ITSN2: variants seen among roughly 807,000 people sequenced by gnomAD.
ITSN2 encodes intersectin 2.
In ITSN2, 156 loss-of-function variants were observed where a neutral mutation model predicts 243.7. That is an observed-to-expected ratio of 0.64 (90% CI 0.56 to 0.73). The LOEUF (loss-of-function observed/expected upper bound fraction) is 0.73. ITSN2 is among the 30% of genes least tolerant of loss of function. The probability of loss-of-function intolerance (pLI) is 0.00; values close to 1 mark genes in which losing one functional copy is unlikely to be tolerated. For missense variants in ITSN2, 1,801 were observed against 1,996.1 expected, an observed-to-expected ratio of 0.90 and a Z score of 1.86; for synonymous variants, 703 against 699.9, an observed-to-expected ratio of 1.00 and a Z score of -0.07.
At chr2:24,256,461 C>G (rs1675069362) in intron 23 of ITSN2, among the ~76,000 whole-genome samples, 1 of 152,204 alleles carries the variant, frequency 6.6e-6, no homozygotes, top group Non-Finnish European at 1.5e-5. Flanking sequence ...AGACCAGCAT[C>G]TTTTCATCAA....
At chr2:24,235,087 G>GC (rs1161020646) in intron 29 of ITSN2, among the ~76,000 whole-genome samples, 2 of 152,216 alleles carry the variant, frequency 1.3e-5, no homozygotes, top group Admixed American at 6.5e-5. Context: ...AAACTTGGAA[G>GC]GAATCACAAT....
At chr2:24,330,368 C>T (rs1246500763) in intron 1 of ITSN2, 4 of 537,160 alleles carry the variant, frequency 7.4e-6, no homozygotes, top group Non-Finnish European at 1.1e-5. Context: ...CATCCTGTGC[C>T]AAGTGCTTAC....
rs538333658 is a variant in ITSN2, at chr2:24,278,932, G to C, written c.1945-3083C>G. On this transcript the variant is annotated intron_variant, in intron 17 of 39. Coordinates refer to ENST00000355123, the MANE Select transcript of ITSN2 (RefSeq NM_006277.3). Reference sequence around the variant, plus strand: ...CTCCCAAAGGGCTGGGATTGCAGGTGTGAGCCACTGCACCCAGCCAAGTTG... The same window carrying C: ...CTCCCAAAGGGCTGGGATTGCAGGTCTGAGCCACTGCACCCAGCCAAGTTG... Among the ~76,000 whole-genome samples the C allele has an allele frequency of 8.5e-5, 13 of 152,220 alleles. 1 individual carries two copies. The South Asian group carries it at 1.9e-3, about 22-fold the overall frequency.
Position 24,328,306 on chromosome 2 carries a change from C to T in ITSN2, c.-33-191G>A, listed in dbSNP as rs551503967. 1.1e-4 allele frequency among the ~76,000 whole-genome samples: 17 copies of T among 152,202 alleles called. No individual in the cohort carries two copies. In the South Asian group the frequency reaches 3.5e-3, roughly 31 times the overall value. On this transcript the variant is annotated intron_variant, in intron 1 of 39. Transcript: ENST00000355123. Reference sequence around the variant, plus strand: ...AGGGTAAGAGATTTTGTTGGGTAATCGTGCTGCCTTAATACAGAAAAACAG... The same window carrying T: ...AGGGTAAGAGATTTTGTTGGGTAATTGTGCTGCCTTAATACAGAAAAACAG...
At chr2:24,341,130 T>C (rs576428879) in intron 1 of ITSN2, among the ~76,000 whole-genome samples, 1 of 152,312 alleles carries the variant, frequency 6.6e-6, no homozygotes, top group East Asian at 1.9e-4. Context: ...TGGGTGACTG[T>C]AGAGCAGTAA....
chr2:24,292,838 G>C (rs1160635167), intron 15 of ITSN2, among the ~76,000 whole-genome samples: 1 of 152,168 alleles, frequency 6.6e-6, no homozygotes, highest in Non-Finnish European at 1.5e-5. Flanking sequence ...CATTTGTCTT[G>C]CTCCTTTGCC....
At chr2:24,328,163 C>T in intron 1 of ITSN2, 48 bp from the exon 2 acceptor site, 1 of 1,403,992 alleles carries the variant, frequency 7.1e-7, no homozygotes, top group Non-Finnish European at 1.0e-6. Flanking sequence ...AAGGGCAAAT[C>T]ACAGTTTAGT....
intron 1 of ITSN2, among the ~76,000 whole-genome samples, chr2:24,359,532 T>A (rs369236224): frequency 7.2e-5 from 11 of 152,220 alleles, no homozygotes; most frequent in African/African-American, 2.7e-4. Flanking sequence ...ACAAGGCGCA[T>A]AATTAATAAA....
chr2:24,316,489 G>T (rs189247118), intron 2 of ITSN2, among the ~76,000 whole-genome samples: 113 of 152,204 alleles, frequency 7.4e-4, no homozygotes, highest in Admixed American at 6.2e-3. Context: ...CACCATGTTG[G>T]CCAGGATGGT....
intron 1 of ITSN2, among the ~76,000 whole-genome samples, chr2:24,349,962 T>C (rs1024628189): frequency 2.6e-5 from 4 of 152,206 alleles, no homozygotes; most frequent in African/African-American, 4.8e-5. Context: ...GCATGCATAG[T>C]ACTAATTTTC....
chr2:24,207,576 G>T (rs181552098), intron 37 of ITSN2, among the ~76,000 whole-genome samples: 2 of 152,188 alleles, frequency 1.3e-5, no homozygotes, highest in East Asian at 3.9e-4. Context: ...TCGGGGAGAG[G>T]CCTGGGCAAG....
At chr2:24,328,985 G>A (rs1685482320) in intron 1 of ITSN2, among the ~76,000 whole-genome samples, 1 of 152,160 alleles carries the variant, frequency 6.6e-6, no homozygotes. Context: ...ACCCAGCTCT[G>A]CTATTCTCCC....
chr2:24,356,518 G>A (rs1688467139), intron 1 of ITSN2, among the ~76,000 whole-genome samples: 1 of 151,710 alleles, frequency 6.6e-6, no homozygotes, highest in East Asian at 1.9e-4. Flanking sequence ...CAAAAAGTGG[G>A]CAAAGGATAT....
In ITSN2 at chr2:24,249,307, GA is replaced by G. The variant is rs1474329853; in HGVS notation, c.3121-426del. 6.6e-6 allele frequency among the ~76,000 whole-genome samples: 1 copy of G among 152,094 alleles called. No homozygotes were observed. Among genetic ancestry groups the G allele is most frequent in the Non-Finnish European group, 1.5e-5 (1 of 68,022 alleles). The stretch of plus-strand genomic sequence containing the variant: ...TCTAAGGGATCCTGACTTATCTATG[GA>G]TCTTGATGAACAGGAGACAATGTTT... On this transcript the variant is annotated intron_variant, in intron 25 of 39. Transcript: ENST00000355123. The surrounding 1 kb of genome is among the most constrained non-coding windows in gnomAD (Gnocchi z 4.4).
intron 19 of ITSN2, 121 bp from the exon 20 acceptor site, chr2:24,270,889 A>T: frequency 3.4e-6 from 2 of 586,460 alleles, no homozygotes; most frequent in Non-Finnish European, 3.1e-6. Context: ...ATGAAAATCC[A>T]CTTGATACAG....
chr2:24,295,706 G>A lies in ITSN2; in HGVS notation c.1593C>T (p.Asp531=). The part of the protein sequence containing the change: ...TELEVLDKQC[D]LEIMEIKQLQ... ...GTTGCTTGATTTCCATAATTTCCAAGTCACACTGCTTATCCAGAACTTCCA... is the reference window on the plus strand; with the variant it reads ...GTTGCTTGATTTCCATAATTTCCAAATCACACTGCTTATCCAGAACTTCCA... Residue 531 remains aspartate (D), a synonymous_variant, in exon 14 of 40, where the codon GAC becomes GAT. Coordinates refer to ENST00000355123, the MANE Select transcript of ITSN2 (RefSeq NM_006277.3). 1 of 1,554,448 alleles carries A rather than the reference G, an allele frequency of 6.4e-7. No individual in the cohort carries two copies. The highest frequency in any genetic ancestry group is 2.2e-5 in the Admixed American group (1 of 45,456).
chr2:24,223,898 AAAAG>A (rs1189790366), intron 29 of ITSN2, among the ~76,000 whole-genome samples: 4 of 151,948 alleles, frequency 2.6e-5, no homozygotes, highest in African/African-American at 9.7e-5. Context: ...AAAAATAAAG[AAAAG>A]AAAGAAATAA....
chr2:24,261,448 G>C (rs539543646), intron 21 of ITSN2, 113 bp downstream of exon 21: 25 of 989,114 alleles, frequency 2.5e-5, no homozygotes, highest in Non-Finnish European at 3.6e-5. Context: ...AAGTAGTCTT[G>C]AAGAGTACAA....
At chr2:24,301,020 CATCT>C (rs1681652372) in intron 11 of ITSN2, 130 bp downstream of exon 11, 1 of 501,728 alleles carries the variant, frequency 2.0e-6, no homozygotes, top group Non-Finnish European at 3.6e-6. Flanking sequence ...AAATACATCC[CATCT>C]ATCAAATAGT....
Sources: gnomAD v4.1 joint callset for allele counts (sites outside exome capture counted in the v4.1 genomes callset) on GRCh38, gnomAD v4.1.1 for gene constraint, Gnocchi (gnomAD v3.1) non-coding constraint, MANE v1.5 for transcripts, NCBI Gene and HGNC (gene_info 2026-07-23, HGNC 2026-07-21) for gene names.